The following RAB3IP variants were observed in gnomAD, a reference collection of about 807,000 sequenced individuals.
The protein encoded by RAB3IP is RAB3A interacting protein, also known as rab-3A-interacting protein.
A neutral mutation model predicts 59.1 loss-of-function variants in RAB3IP; 36 were observed. That is an observed-to-expected ratio of 0.61 (90% confidence interval 0.47 to 0.80). RAB3IP has a LOEUF of 0.80. Among genes scored for constraint, RAB3IP ranks in the 30% least tolerant of loss-of-function variants. The pLI, the probability that RAB3IP is intolerant of heterozygous loss-of-function variation, is 0.00. For missense variants in RAB3IP, 511 were observed against 536.0 expected (o/e 0.95, Z 0.46); for synonymous variants, 207 against 191.2 (o/e 1.08, Z -0.68).
At position 69,795,418 on chromosome 12, in the gene RAB3IP, A is replaced by T. The variant is rs751742537; in HGVS notation, c.888+74A>T. On this transcript the variant is annotated intron_variant, in intron 6 of 10. Transcript: ENST00000247833. ...TCTCATCACTGAGGTGTCAGTTATC[A>T]TTTTTGCCAGCAAAATTTTTAGTAC... 1.2e-5 allele frequency: 16 copies of T among 1,298,350 alleles called. No homozygotes were observed. The South Asian group carries it at 1.7e-4, about 14-fold the overall frequency. The allele number at this position is 1,298,350 out of a possible 1,614,324, so 80.4% of individuals were successfully genotyped here.
intron 4 of RAB3IP, among the ~76,000 whole-genome samples, chr12:69,794,181 T>TA (rs1223229710): frequency 3.3e-5 from 5 of 152,208 alleles, no homozygotes; most frequent in Non-Finnish European, 1.5e-5. Flanking sequence ...TCACAGTCCT[T>TA]ACGCAAGTAT....
intron 6 of RAB3IP, among the ~76,000 whole-genome samples, chr12:69,799,625 T>A (rs1878060078): frequency 6.6e-6 from 1 of 152,176 alleles, no homozygotes; most frequent in African/African-American, 2.4e-5. Context: ...TCTTTTTTTT[T>A]AATCCTGTTG....
At chr12:69,807,949 C>T (rs116218382) in intron 8 of RAB3IP, among the ~76,000 whole-genome samples, 2,097 of 152,224 alleles carry the variant, frequency 0.014, 53 homozygotes, top group African/African-American at 0.046. Flanking sequence ...ACGGGTTGGC[C>T]AGGCAGATCT....
intron 8 of RAB3IP, among the ~76,000 whole-genome samples, chr12:69,808,917 T>C (rs1316688823): frequency 6.6e-6 from 1 of 152,058 alleles, no homozygotes; most frequent in African/African-American, 2.4e-5. Context: ...TTAATATTGT[T>C]ATGTGTGAAT....
intron 3 of RAB3IP, among the ~76,000 whole-genome samples, chr12:69,771,939 C>A (rs1429722498): frequency 6.6e-6 from 1 of 152,036 alleles, no homozygotes; most frequent in Non-Finnish European, 1.5e-5. Context: ...ATTTGTATGT[C>A]TTCTGAGAAA....
chr12:69,804,767 G>T (rs1878975348), intron 8 of RAB3IP, among the ~76,000 whole-genome samples: 1 of 151,788 alleles, frequency 6.6e-6, no homozygotes, highest in African/African-American at 2.4e-5. Flanking sequence ...TTTCCCCATT[G>T]CTTGTTTTTG....
rs71437123 is a variant in RAB3IP at position 69,773,399 on chromosome 12, C to CTTTTTTTT, written c.511-11304_511-11297dup. On this transcript the variant is annotated intron_variant, in intron 3 of 10. Coordinates refer to ENST00000247833, the MANE Select transcript of RAB3IP (RefSeq NM_022456.5). Reference sequence around the variant, plus strand: ...ATACGCCTTCTACCCATTTGTCTTTCTTTTTTTTTTTTTTTTTTTTTTTTA... The same window carrying CTTTTTTTT: ...ATACGCCTTCTACCCATTTGTCTTTCTTTTTTTTTTTTTTTTTTTTTTTTTTTTTTTTA... Among the ~76,000 whole-genome samples, 382 of 47,986 alleles carry CTTTTTTTT rather than the reference C, an allele frequency of 8.0e-3. 4 individuals carry two copies. The highest frequency in any genetic ancestry group is 0.012 in the South Asian group (13 of 1,080). 31.5% of individuals were successfully genotyped at this position (47,986 alleles called of 152,430 possible). A position where few individuals can be genotyped will look rare whatever the true frequency, so the allele number is the denominator to read the frequency against.
At chr12:69,749,391 C>T (rs144627397) in intron 1 of RAB3IP, among the ~76,000 whole-genome samples, 11 of 152,292 alleles carry the variant, frequency 7.2e-5, no homozygotes, top group East Asian at 5.8e-4. Context: ...TTGTCTTCCA[C>T]GAAACTGGTC....
At chr12:69,810,507 C>G (rs915588742) in intron 8 of RAB3IP, among the ~76,000 whole-genome samples, 1 of 152,190 alleles carries the variant, frequency 6.6e-6, no homozygotes, top group Non-Finnish European at 1.5e-5. Flanking sequence ...ATTCGGCCAT[C>G]TTGGCTCCAC....
Position 69,756,650 on chromosome 12 carries a change from C to A in RAB3IP, c.497C>A (p.Ala166Glu), listed in dbSNP as rs772026466. The A allele has an allele frequency of 1.9e-6, 3 of 1,613,142 alleles. No homozygotes were observed. Among genetic ancestry groups the A allele is most frequent in the Admixed American group, 1.7e-5 (1 of 59,910 alleles). Reference protein sequence around the residue: ...KGYERLKEELAKAQRELKLKD... With the variant: ...KGYERLKEELEKAQRELKLKD... ...TATGAACGATTAAAAGAAGAACTCG[C>A]AAAAGCTCAGAGGGTAAGAAAGAAG... is the stretch of plus-strand genomic sequence containing the variant. The change falls in exon 3 of 11, where the codon GCA becomes GAA. Residue 166 changes from alanine (A) to glutamate (E), a missense_variant. Coordinates refer to ENST00000247833, the MANE Select transcript of RAB3IP (RefSeq NM_022456.5).
At chr12:69,809,155 A>G (rs893997784) in intron 8 of RAB3IP, among the ~76,000 whole-genome samples, 1 of 148,710 alleles carries the variant, frequency 6.7e-6, no homozygotes, top group Non-Finnish European at 1.5e-5. Context: ...TCCTTCACTT[A>G]TGAAGCTTAG....
chr12:69,807,513 G>A (rs1278427821), intron 8 of RAB3IP, among the ~76,000 whole-genome samples: 2 of 147,600 alleles, frequency 1.4e-5, no homozygotes, highest in Non-Finnish European at 3.0e-5. Flanking sequence ...GCCGGGCAGA[G>A]GCACTCCTCA....
intron 6 of RAB3IP, among the ~76,000 whole-genome samples, chr12:69,797,699 G>T (rs1592586556): frequency 6.9e-6 from 1 of 145,816 alleles, no homozygotes. Context: ...ACAGTCCCCA[G>T]AGTGTGATGT....
chr12:69,782,872 GA>G (rs1345579402), intron 3 of RAB3IP, among the ~76,000 whole-genome samples: 1 of 151,956 alleles, frequency 6.6e-6, no homozygotes, highest in African/African-American at 2.4e-5. Context: ...AAGCTCATAG[GA>G]GAGAGATTTT....
At position 69,801,191 on chromosome 12, in the gene RAB3IP, A is replaced by G. The variant is rs1254979680; in HGVS notation, c.1018-418A>G. On this transcript the variant is annotated intron_variant, in intron 7 of 10. Transcript: ENST00000247833. The stretch of plus-strand genomic sequence containing the variant: ...TGTAGACTCACTCTTGTGCACATAA[A>G]TACAAATTCAGAAAATATGCAGCTA... 2.0e-5 allele frequency among the ~76,000 whole-genome samples: 3 copies of G among 152,224 alleles called. No individual in the cohort carries two copies. In the East Asian group the frequency reaches 5.8e-4, roughly 29 times the overall value.
At chr12:69,755,708 TTGC>T (rs748493363) in intron 2 of RAB3IP, 49 bp downstream of exon 2, 1 of 1,466,594 alleles carries the variant, frequency 6.8e-7, no homozygotes, top group Non-Finnish European at 9.4e-7. Flanking sequence ...AATGGACAGT[TTGC>T]TTAGTTACTA....
At chr12:69,761,383 G>A (rs150910966) in intron 3 of RAB3IP, among the ~76,000 whole-genome samples, 63 of 152,184 alleles carry the variant, frequency 4.1e-4, no homozygotes, top group African/African-American at 1.5e-3. Flanking sequence ...TTCATTTCTA[G>A]GGGATCACTG....
intron 3 of RAB3IP, among the ~76,000 whole-genome samples, chr12:69,772,263 T>C (rs904992173): frequency 3.3e-5 from 5 of 152,202 alleles, no homozygotes; most frequent in Non-Finnish European, 7.4e-5. Context: ...TCAATTTGCA[T>C]TGAATGTTTT....
rs1368881389 is a variant in RAB3IP, at chr12:69,820,589, T to A, written c.*5143T>A. ...AAAAAAAAAAACTGGCCAGGTGCGA[T>A]GGCTCATGCCTGTAATCCCAGCACT... On this transcript the variant is annotated 3_prime_UTR_variant, in exon 11 of 11. Coordinates refer to ENST00000247833, the MANE Select transcript of RAB3IP (RefSeq NM_022456.5). 6.8e-6 allele frequency: 1 copy of A among 147,794 alleles called. No individual in the cohort carries two copies. The highest frequency in any genetic ancestry group is 1.5e-5 in the Non-Finnish European group (1 of 67,568). The allele number at this position is 147,794 out of a possible 1,614,324, so 9.2% of individuals were successfully genotyped here.
Sources: gnomAD v4.1 joint callset for allele counts (sites outside exome capture counted in the v4.1 genomes callset) on GRCh38, gnomAD v4.1.1 for gene constraint, MANE v1.5 for transcripts, NCBI Gene and HGNC (gene_info 2026-07-23, HGNC 2026-07-21) for gene names.